Variants in DLC1 observed in about 807,000 individuals in gnomAD.
DLC1 encodes rho GTPase-activating protein 7.
In DLC1, 54 loss-of-function variants were observed where a neutral mutation model predicts 140.3. The ratio of observed to expected loss-of-function variants is 0.38; its 90% CI spans 0.31 to 0.48. The LOEUF (loss-of-function observed/expected upper bound fraction) is 0.48. DLC1 is among the 20% of genes least tolerant of loss of function. DLC1 has a pLI of 0.96. For missense variants in DLC1, 2,536 were observed against 1,907.0 expected (o/e 1.33, Z -6.14); for synonymous variants, 986 against 728.1 (o/e 1.35, Z -5.70).
chr8:13,414,414 C>T (rs1837951499), intron 2 of DLC1, among the ~76,000 whole-genome samples: 1 of 152,098 alleles, frequency 6.6e-6, no homozygotes, highest in Non-Finnish European at 1.5e-5. Flanking sequence ...CCTTTTGTGA[C>T]CATCACTCTC....
At chr8:13,454,210 T>A (rs1465282453) in intron 2 of DLC1, among the ~76,000 whole-genome samples, 2 of 151,970 alleles carry the variant, frequency 1.3e-5, no homozygotes, top group Non-Finnish European at 2.9e-5. Flanking sequence ...CCTGGGAAAC[T>A]TATACAAGGT....
intron 2 of DLC1, among the ~76,000 whole-genome samples, chr8:13,489,412 TAC>T (rs10558551): frequency 0.068 from 8,960 of 132,308 alleles, 723 homozygotes; most frequent in East Asian, 0.37. Context: ...ACACACACCA[TAC>T]ACACACACAC....
intron 4 of DLC1, among the ~76,000 whole-genome samples, chr8:13,329,989 G>C (rs369054626): frequency 6.6e-6 from 1 of 152,102 alleles, no homozygotes; most frequent in Non-Finnish European, 1.5e-5. Context: ...TTTAGAGACA[G>C]AATTTTGCTC....
chr8:13,407,860 C>G (rs1435501752), intron 2 of DLC1, among the ~76,000 whole-genome samples: 1 of 152,180 alleles, frequency 6.6e-6, no homozygotes, highest in Non-Finnish European at 1.5e-5. Flanking sequence ...AGTATTTGAT[C>G]TTTGGCCAGC....
At chr8:13,574,830 G>A (rs1457058519) in intron 1 of DLC1, among the ~76,000 whole-genome samples, 1 of 152,168 alleles carries the variant, frequency 6.6e-6, no homozygotes, top group Admixed American at 6.5e-5. Context: ...GTTTAGGAAT[G>A]TCTGGGACCC....
intron 5 of DLC1, among the ~76,000 whole-genome samples, chr8:13,137,248 G>A (rs918565947): frequency 1.3e-5 from 2 of 152,104 alleles, no homozygotes; most frequent in Non-Finnish European, 2.9e-5. Flanking sequence ...CATCACTCAA[G>A]GTTTCATCTG....
At chr8:13,195,081 A>C (rs1826972856) in intron 5 of DLC1, among the ~76,000 whole-genome samples, 1 of 152,200 alleles carries the variant, frequency 6.6e-6, no homozygotes, top group South Asian at 2.1e-4. Flanking sequence ...TACACTGAGA[A>C]AATTACTGAG....
At chr8:13,085,955 C>T in intron 17 of DLC1, 24 bp from the exon 18 acceptor site, 1 of 1,609,756 alleles carries the variant, frequency 6.2e-7, no homozygotes, top group Non-Finnish European at 8.5e-7. Context: ...GAAAGAAAAG[C>T]TGATGAATTA....
At chr8:13,546,367 T>C (rs192983502) in intron 1 of DLC1, among the ~76,000 whole-genome samples, 1 of 152,278 alleles carries the variant, frequency 6.6e-6, no homozygotes, top group Admixed American at 6.5e-5. Context: ...CTTGAAAAAC[T>C]ATTTTAATAT....
At chr8:13,164,934 T>C (rs1408349447) in intron 5 of DLC1, among the ~76,000 whole-genome samples, 1 of 152,214 alleles carries the variant, frequency 6.6e-6, no homozygotes, top group African/African-American at 2.4e-5. Flanking sequence ...CTGGAGGCTT[T>C]TGCTGCATTT....
At chr8:13,232,672 G>T (rs1347054887) in intron 5 of DLC1, among the ~76,000 whole-genome samples, 1 of 152,140 alleles carries the variant, frequency 6.6e-6, no homozygotes, top group Non-Finnish European at 1.5e-5. Flanking sequence ...CTAGCTAGAA[G>T]GATGCTTCTC....
intron 1 of DLC1, among the ~76,000 whole-genome samples, chr8:13,553,657 C>T (rs896194059): frequency 6.6e-6 from 1 of 151,804 alleles, no homozygotes; most frequent in Non-Finnish European, 1.5e-5. Flanking sequence ...TCAGCCTCTC[C>T]ATTTTTCTGT....
In DLC1 at chr8:13,499,240, G is replaced by A. The variant is rs1290853401; in HGVS notation, c.832C>T (p.Leu278Phe). 3 of 1,614,158 alleles carry A rather than the reference G, an allele frequency of 1.9e-6. No homozygotes were observed. Among genetic ancestry groups the A allele is most frequent in the African/African-American group, 1.3e-5 (1 of 75,042 alleles). The part of the protein sequence containing the change: ...PLLKTDFGSC[L>F]LQPPSCPNGM... ...TTGGGGCAGGAAGGAGGCTGCAGAA[G>A]GCAGCTTCCAAAATCTGTTTTTAAT... Residue 278 changes from leucine to phenylalanine, a missense_variant, in exon 2 of 18, where the codon CTT becomes TTT. Physicochemically the swap from Leu to Phe is conservative, Grantham distance 22. Transcript: ENST00000276297.
chr8:13,271,208 G>T (rs1586046130), intron 5 of DLC1, among the ~76,000 whole-genome samples: 1 of 152,164 alleles, frequency 6.6e-6, no homozygotes, highest in Non-Finnish European at 1.5e-5. Context: ...ATCTCCTCTG[G>T]TGTTGCCTAT....
At chr8:13,392,596 C>T (rs1480012874) in intron 4 of DLC1, among the ~76,000 whole-genome samples, 1 of 151,990 alleles carries the variant, frequency 6.6e-6, no homozygotes, top group East Asian at 1.9e-4. Context: ...AAAAATAATA[C>T]AACACTATGA....
chr8:13,334,082 C>A (rs553024818), intron 4 of DLC1, among the ~76,000 whole-genome samples: 2 of 151,976 alleles, frequency 1.3e-5, no homozygotes, highest in African/African-American at 4.8e-5. Context: ...TGGTGGAGAG[C>A]GAGGGATGCT....
intron 10 of DLC1, among the ~76,000 whole-genome samples, chr8:13,096,797 T>G (rs1244659355): frequency 6.6e-6 from 1 of 152,196 alleles, no homozygotes; most frequent in Non-Finnish European, 1.5e-5. Flanking sequence ...CTCAAGCAAC[T>G]TGGGTTTGCT....
intron 5 of DLC1, among the ~76,000 whole-genome samples, chr8:13,251,968 A>C (rs6988413): frequency 0.23 from 35,608 of 152,136 alleles, 4,333 homozygotes; most frequent in South Asian, 0.34. Flanking sequence ...GGGATACCAG[A>C]AAAGCATTTT....
chr8:13,383,441 G>A (rs1836364719), intron 4 of DLC1, among the ~76,000 whole-genome samples: 4 of 152,162 alleles, frequency 2.6e-5, no homozygotes, highest in Admixed American at 2.6e-4. Context: ...CGTCTCATCT[G>A]CACCTGGATC....
Sources: allele counts gnomAD v4.1 joint callset (sites outside exome capture counted in the v4.1 genomes callset), GRCh38; gene constraint gnomAD v4.1.1; transcripts MANE v1.5; gene names NCBI Gene and HGNC (gene_info 2026-07-23, HGNC 2026-07-21).